The following PPA1 variants were observed in gnomAD, a reference collection of about 807,000 sequenced individuals.
PPA1 encodes inorganic pyrophosphatase.
A neutral mutation model predicts 41.8 loss-of-function variants in PPA1; 23 were observed. That is an observed-to-expected ratio of 0.55 (90% CI 0.40 to 0.78). The LOEUF is 0.78. Among genes scored for constraint, PPA1 ranks in the 30% least tolerant of loss-of-function variants. PPA1 has a pLI of 0.00. For missense variants in PPA1, 320 were observed against 361.6 expected, an observed-to-expected ratio of 0.89 and a Z score of 0.93; for synonymous variants, 101 against 116.8, an observed-to-expected ratio of 0.86 and a Z score of 0.87.
At chr10:70,231,443 T>C (rs1046070238) in intron 1 of PPA1, among the ~76,000 whole-genome samples, 8 of 152,184 alleles carry the variant, frequency 5.3e-5, no homozygotes, top group African/African-American at 1.9e-4. Context: ...GGCAAGTGCC[T>C]GTAATCCCAG....
At chr10:70,204,594 T>G in intron 10 of PPA1, 1 of 321,020 alleles carries the variant, frequency 3.1e-6, no homozygotes, top group Non-Finnish European at 5.7e-6. Flanking sequence ...TAAGCTTTAG[T>G]GATCTATTGC....
intron 6 of PPA1, chr10:70,210,412 A>G (rs1840003526): frequency 7.3e-7 from 1 of 1,364,666 alleles, no homozygotes; most frequent in Non-Finnish European, 9.8e-7. Flanking sequence ...TCACAACACT[A>G]TTACATACTA....
rs1840106373 is a variant in PPA1 at position 70,218,963 on chromosome 10, A to G, written c.124-146T>C. On this transcript the variant is annotated intron_variant, in intron 2 of 10. Coordinates refer to ENST00000373232, the MANE Select transcript of PPA1 (RefSeq NM_021129.4). ...TTTCAACAAAATGCATCAAAAAAAG[A>G]GAATGATGGATGAAGAAATAATGCA... 5 of 649,276 alleles carry G rather than the reference A, an allele frequency of 7.7e-6. No individual in the cohort carries two copies. The East Asian group carries it at 1.4e-4, about 18-fold the overall frequency. 40.2% of individuals were successfully genotyped at this position (649,276 alleles called of 1,614,324 possible).
intron 2 of PPA1, among the ~76,000 whole-genome samples, chr10:70,226,043 C>T (rs1840226507): frequency 6.6e-6 from 1 of 152,194 alleles, no homozygotes; most frequent in African/African-American, 2.4e-5. Context: ...ACATGACTTA[C>T]ACCAACCCAA....
At chr10:70,229,290 A>T (rs143071922) in intron 2 of PPA1, among the ~76,000 whole-genome samples, 1 of 152,274 alleles carries the variant, frequency 6.6e-6, no homozygotes, top group Non-Finnish European at 1.5e-5. Context: ...ATTTTGATAT[A>T]TATTTTATTG....
At chr10:70,218,953 T>A in intron 2 of PPA1, 136 bp from the exon 3 acceptor site, 17 of 651,990 alleles carry the variant, frequency 2.6e-5, no homozygotes, top group Middle Eastern at 2.5e-4. Context: ...ACAAAATGCA[T>A]CAAAAAAAGA....
At chr10:70,232,682 C>A (rs1488079663) in intron 1 of PPA1, among the ~76,000 whole-genome samples, 3 of 152,162 alleles carry the variant, frequency 2.0e-5, no homozygotes, top group African/African-American at 7.2e-5. Flanking sequence ...AAACAGGCGG[C>A]GCAGAGGCAG....
At chr10:70,206,658 A>G (rs2136751211) in intron 8 of PPA1, among the ~76,000 whole-genome samples, 1 of 151,696 alleles carries the variant, frequency 6.6e-6, no homozygotes, top group South Asian at 2.1e-4. Context: ...ATCCTGGCCA[A>G]CACGGTGAAA....
chr10:70,212,291 A>G (rs886542519), intron 6 of PPA1, among the ~76,000 whole-genome samples: 1 of 152,216 alleles, frequency 6.6e-6, no homozygotes, highest in Admixed American at 6.5e-5. Context: ...TTATATTACA[A>G]TACTACTTTA....
intron 9 of PPA1, 29 bp downstream of exon 9, chr10:70,206,234 TG>T: frequency 6.6e-7 from 1 of 1,515,620 alleles, no homozygotes; most frequent in African/African-American, 1.4e-5. Flanking sequence ...CAACCAGGCT[TG>T]TTTTTTTTTT....
intron 2 of PPA1, 35 bp from the exon 3 acceptor site, chr10:70,218,852 G>T: frequency 1.3e-6 from 2 of 1,532,054 alleles, no homozygotes; most frequent in Non-Finnish European, 1.8e-6. Flanking sequence ...ATGGTCACAG[G>T]AGCCAATTTG....
chr10:70,230,936 G>T (rs1054878741), intron 1 of PPA1, among the ~76,000 whole-genome samples: 13 of 152,172 alleles, frequency 8.5e-5, no homozygotes, highest in African/African-American at 2.9e-4. Flanking sequence ...AGAGACTACT[G>T]AGGACACAAA....
rs566892751 is a variant in PPA1, at chr10:70,214,710, C to T, written c.298-124G>A. ...TTTCTCATTGTTTTAGTTCTTTATT[C>T]GCATTTAAGAATCTTAACTACACAC... On this transcript the variant is annotated intron_variant, in intron 4 of 10. Transcript: ENST00000373232. The T allele has an allele frequency of 1.9e-4, 138 of 720,784 alleles. No homozygotes were observed. In the African/African-American group the frequency reaches 2.1e-3, roughly 11 times the overall value. 44.6% of individuals were successfully genotyped at this position (720,784 alleles called of 1,614,324 possible).
At chr10:70,223,693 CAGAG>C (rs1215802082) in intron 2 of PPA1, among the ~76,000 whole-genome samples, 1 of 152,196 alleles carries the variant, frequency 6.6e-6, no homozygotes, top group Non-Finnish European at 1.5e-5. Context: ...TTTATAGCAA[CAGAG>C]TTGCTATAAA....
intron 2 of PPA1, among the ~76,000 whole-genome samples, chr10:70,224,764 CTT>C (rs1485467404): frequency 4.6e-5 from 7 of 152,094 alleles, no homozygotes; most frequent in African/African-American, 1.2e-4. Context: ...GAGTTTCGCT[CTT>C]GTTACCCAGG....
chr10:70,208,754 C>G (rs12413754), intron 8 of PPA1, among the ~76,000 whole-genome samples: 1 of 150,436 alleles, frequency 6.6e-6, no homozygotes, highest in Admixed American at 6.6e-5. Context: ...TAGAAGATTT[C>G]TGGGAGAATT....
intron 2 of PPA1, among the ~76,000 whole-genome samples, chr10:70,225,987 CTGT>C (rs1840225498): frequency 6.6e-6 from 1 of 152,182 alleles, no homozygotes; most frequent in African/African-American, 2.4e-5. Flanking sequence ...GAAGTTCACA[CTGT>C]TGTGCCCCTT....
At chr10:70,231,228 T>C (rs984879632) in intron 1 of PPA1, among the ~76,000 whole-genome samples, 1 of 152,232 alleles carries the variant, frequency 6.6e-6, no homozygotes, top group African/African-American at 2.4e-5. Flanking sequence ...TCTTCAGTAT[T>C]CTTTAGGAAA....
At chr10:70,230,497 T>C in intron 1 of PPA1, 98 bp from the exon 2 acceptor site, 2 of 1,215,382 alleles carry the variant, frequency 1.6e-6, no homozygotes, top group Non-Finnish European at 2.3e-6. Flanking sequence ...TCCCTTACTC[T>C]GTCACCCAGG....
Sources: gnomAD v4.1 joint callset for allele counts (sites outside exome capture counted in the v4.1 genomes callset) on GRCh38, gnomAD v4.1.1 for gene constraint, MANE v1.5 for transcripts, NCBI Gene and HGNC (gene_info 2026-07-23, HGNC 2026-07-21) for gene names.